The following NR1I2 variants were observed in gnomAD, a reference collection of about 807,000 sequenced individuals.
The protein encoded by NR1I2 is orphan nuclear receptor PAR1.
A neutral mutation model predicts 43.3 loss-of-function variants in NR1I2; 42 were observed. The observed-to-expected ratio is 0.97, with a 90% confidence interval of 0.76 to 1.26. NR1I2 has a LOEUF of 1.26. Among genes scored for constraint, NR1I2 ranks in the 50% most tolerant of loss-of-function variants. The pLI is 0.00. For missense variants in NR1I2, 559 were observed against 566.7 expected (o/e 0.99, Z 0.14); for synonymous variants, 229 against 215.0 (o/e 1.06, Z -0.57).
At chr3:119,790,119 A>T (rs1356762636) in intron 1 of NR1I2, among the ~76,000 whole-genome samples, 5 of 152,062 alleles carry the variant, frequency 3.3e-5, no homozygotes, top group Admixed American at 2.0e-4. Context: ...GGCAACCACC[A>T]TTCTACTTTC....
rs796992519 is a variant in NR1I2, at chr3:119,811,577, T to C, written c.370T>C (p.Leu124=). 1.2e-6 allele frequency: 2 copies of C among 1,613,698 alleles called. No individual in the cohort carries two copies. Among genetic ancestry groups the C allele is most frequent in the Non-Finnish European group, 1.7e-6 (2 of 1,179,834 alleles). The change falls in exon 4 of 9, where the codon TTG becomes CTG. Residue 124 remains leucine (L), a synonymous_variant. Coordinates refer to ENST00000393716, the MANE Select transcript of NR1I2 (RefSeq NM_003889.4). ...CGAGGCCGTGGAGGAGAGGCGGGCC[T>C]TGATCAAGCGGAAGAAAAGTGAACG...
Position 119,810,198 on chromosome 3 carries a change from A to G in NR1I2, c.331+4A>G, listed in dbSNP as rs764583652. 1.3e-6 allele frequency: 2 copies of G among 1,598,710 alleles called. No homozygotes were observed. The highest frequency in any genetic ancestry group is 8.5e-7 in the Non-Finnish European group (1 of 1,172,770). ...GAGAGCGGCATGAAGAAGGAGAGTG[A>G]GCAGTGGGCGCGCGGGCGGGCCGGC... On this transcript the variant is annotated splice_donor_region_variant and intron_variant, in intron 3 of 8. Coordinates refer to ENST00000393716, the MANE Select transcript of NR1I2 (RefSeq NM_003889.4).
chr3:119,788,691 G>A (rs2107946592), intron 1 of NR1I2, among the ~76,000 whole-genome samples: 1 of 152,274 alleles, frequency 6.6e-6, no homozygotes, highest in African/African-American at 2.4e-5. Flanking sequence ...TCCTGTTTCA[G>A]CTTCCCTAAG....
chr3:119,817,418 A>C lies in NR1I2; in HGVS notation c.*206A>C. ...CCCACCCCCAGTTCAGTCTGTAGGG[A>C]GTGAAGCCACAGACTCTTACGTGGA... On this transcript the variant is annotated 3_prime_UTR_variant, in exon 9 of 9. Transcript: ENST00000393716. 1 of 1,440,678 alleles carries C rather than the reference A, an allele frequency of 6.9e-7. No homozygotes were observed. Among genetic ancestry groups the C allele is most frequent in the Non-Finnish European group, 9.1e-7 (1 of 1,096,690 alleles). 89.2% of individuals were successfully genotyped at this position (1,440,678 alleles called of 1,614,324 possible).
rs1316864493 is a variant in NR1I2 at position 119,815,368 on chromosome 3, A to G, written c.983A>G (p.Tyr328Cys). ...CTGGAGCCCATGCTGAAATTCCACT[A>G]CATGCTGAAGAAGCTGCAGCTGCAT... The change falls in exon 7 of 9, where the codon TAC becomes TGC. Residue 328 changes from tyrosine to cysteine, a missense_variant. Physicochemically the swap from Tyr to Cys is radical, Grantham distance 194. Transcript: ENST00000393716. 6.2e-7 allele frequency: 1 copy of G among 1,613,782 alleles called. No homozygotes were observed. The highest frequency in any genetic ancestry group is 1.3e-5 in the African/African-American group (1 of 74,914).
At chr3:119,807,974 C>T (rs1373837030) in intron 2 of NR1I2, among the ~76,000 whole-genome samples, 1 of 152,180 alleles carries the variant, frequency 6.6e-6, no homozygotes, top group African/African-American at 2.4e-5. Context: ...CCCAAGACAG[C>T]CAGCCTGACA....
At chr3:119,810,762 C>T (rs1357497611) in intron 3 of NR1I2, among the ~76,000 whole-genome samples, 3 of 152,186 alleles carry the variant, frequency 2.0e-5, no homozygotes, top group Admixed American at 1.3e-4. Context: ...GTTTCTAGTG[C>T]ATATTTGTCT....
In NR1I2 at chr3:119,817,581, T is replaced by C. The variant is rs2107981443; in HGVS notation, c.*369T>C. 1 of 1,184,796 alleles carries C rather than the reference T, an allele frequency of 8.4e-7. No homozygotes were observed. The highest frequency in any genetic ancestry group is 1.1e-6 in the Non-Finnish European group (1 of 943,242). The allele number at this position is 1,184,796 out of a possible 1,614,324, so 73.4% of individuals were successfully genotyped here. On this transcript the variant is annotated 3_prime_UTR_variant, in exon 9 of 9. Transcript: ENST00000393716. ...GTGGAAGGGACCAAGCGACCAAGGA[T>C]GGGCCATCTGGGGTCTATGCCCACA...
chr3:119,784,448 A>G (rs996032443), intron 1 of NR1I2, among the ~76,000 whole-genome samples: 1 of 151,934 alleles, frequency 6.6e-6, no homozygotes, highest in Non-Finnish European at 1.5e-5. Flanking sequence ...TCTCAATGCA[A>G]ATTATTTGAT....
At chr3:119,798,749 T>C (rs2055035964) in intron 1 of NR1I2, among the ~76,000 whole-genome samples, 1 of 152,210 alleles carries the variant, frequency 6.6e-6, no homozygotes, top group African/African-American at 2.4e-5. Flanking sequence ...ACTTTCTCTA[T>C]GGATTTGCCT....
chr3:119,803,817 G>T (rs2055113785), intron 1 of NR1I2, among the ~76,000 whole-genome samples: 1 of 151,656 alleles, frequency 6.6e-6, no homozygotes. Context: ...GAGTGCAGTA[G>T]CGTAATCTTG....
chr3:119,814,991 C>A lies in NR1I2; in HGVS notation c.807C>A (p.Ile269=), dbSNP rs759977935. ...TCCTTGCTGCCAGGGACTTGCCCAT[C>A]GAGGACCAGATCTCCCTGCTGAAGG... The change falls in exon 6 of 9, where the codon ATC becomes ATA. Residue 269 remains isoleucine, a synonymous_variant. Coordinates refer to ENST00000393716, the MANE Select transcript of NR1I2 (RefSeq NM_003889.4). The A allele has an allele frequency of 1.2e-6, 2 of 1,614,022 alleles. No homozygotes were observed. Among genetic ancestry groups the A allele is most frequent in the African/African-American group, 1.3e-5 (1 of 74,906 alleles).
intron 1 of NR1I2, among the ~76,000 whole-genome samples, chr3:119,801,130 A>C (rs1055019804): frequency 2.6e-5 from 4 of 152,252 alleles, no homozygotes; most frequent in African/African-American, 9.6e-5. Context: ...AGTCACGTAG[A>C]AAGACTAAAT....
At chr3:119,803,487 T>G (rs901347619) in intron 1 of NR1I2, among the ~76,000 whole-genome samples, 14 of 152,094 alleles carry the variant, frequency 9.2e-5, no homozygotes, top group Non-Finnish European at 2.9e-5. Flanking sequence ...AGACATTGAA[T>G]CTACCAGTGC....
intron 1 of NR1I2, among the ~76,000 whole-genome samples, chr3:119,797,306 A>G (rs1360567757): frequency 6.6e-6 from 1 of 151,960 alleles, no homozygotes; most frequent in Non-Finnish European, 1.5e-5. Context: ...GCATTCACAG[A>G]AAGGAAATGG....
chr3:119,805,703 C>T (rs1419562842), intron 1 of NR1I2, among the ~76,000 whole-genome samples: 2 of 36,126 alleles, frequency 5.5e-5, no homozygotes, highest in Non-Finnish European at 2.9e-4. Flanking sequence ...ACTTGGTCCC[C>T]CCCTCCCCCC....
chr3:119,797,958 CTTAATT>C (rs1292229829), intron 1 of NR1I2, among the ~76,000 whole-genome samples: 4 of 152,034 alleles, frequency 2.6e-5, no homozygotes, highest in Non-Finnish European at 4.4e-5. Flanking sequence ...AACCATTAAT[CTTAATT>C]TTATTTCTTT....
At chr3:119,809,049 T>G (rs568357847) in intron 2 of NR1I2, among the ~76,000 whole-genome samples, 36 of 152,196 alleles carry the variant, frequency 2.4e-4, no homozygotes, top group Admixed American at 3.9e-4. Context: ...GCCAGGTCAC[T>G]GCGGGCTTGG....
intron 1 of NR1I2, among the ~76,000 whole-genome samples, chr3:119,794,657 G>T (rs79965621): frequency 0.041 from 6,246 of 152,150 alleles, 424 homozygotes; most frequent in African/African-American, 0.14. Context: ...GACTGCCCAG[G>T]CCAAGCGCCA....
Sources: allele counts gnomAD v4.1 joint callset (sites outside exome capture counted in the v4.1 genomes callset), GRCh38; gene constraint gnomAD v4.1.1; transcripts MANE v1.5; gene names NCBI Gene and HGNC (gene_info 2026-07-23, HGNC 2026-07-21).